KCND2: variants seen among roughly 807,000 people sequenced by gnomAD.
KCND2 encodes A-type voltage-gated potassium channel KCND2.
KCND2 carries 16 observed loss-of-function variants against 54.4 expected under a neutral mutation model. The ratio of observed to expected loss-of-function variants is 0.29; its 90% confidence interval spans 0.20 to 0.45. KCND2 has a LOEUF of 0.45. Among genes scored for constraint, KCND2 ranks in the 20% least tolerant of loss-of-function variants. KCND2 has a pLI of 1.00. For synonymous variants in KCND2, 317 were observed against 310.7 expected (o/e 1.02, Z -0.21); for missense variants, 486 against 824.2 (o/e 0.59, Z 5.02).
intron 1 of KCND2, among the ~76,000 whole-genome samples, chr7:120,551,979 C>G (rs1792110173): frequency 6.6e-6 from 1 of 152,136 alleles, no homozygotes; most frequent in African/African-American, 2.4e-5. Flanking sequence ...CTCTTCTACC[C>G]TCAGGCATCA....
intron 1 of KCND2, among the ~76,000 whole-genome samples, chr7:120,607,326 G>A (rs1037845757): frequency 6.6e-6 from 1 of 152,004 alleles, no homozygotes; most frequent in East Asian, 1.9e-4. Context: ...TTTTCAGAGG[G>A]CCTACTCTGC....
intron 1 of KCND2, among the ~76,000 whole-genome samples, chr7:120,530,529 G>C (rs1334214037): frequency 6.6e-6 from 1 of 151,934 alleles, no homozygotes; most frequent in Non-Finnish European, 1.5e-5. Flanking sequence ...TAACCACTCT[G>C]CTCTTTCATA....
intron 1 of KCND2, among the ~76,000 whole-genome samples, chr7:120,660,571 C>A (rs895175341): frequency 7.9e-5 from 12 of 152,166 alleles, no homozygotes; most frequent in African/African-American, 2.7e-4. Context: ...GAGGATAGGG[C>A]AGCCAGGATG....
chr7:120,627,022 C>G (rs538912776), intron 1 of KCND2, among the ~76,000 whole-genome samples: 31 of 152,246 alleles, frequency 2.0e-4, no homozygotes, highest in African/African-American at 7.0e-4. Context: ...GGTTAAGATC[C>G]AGTCCCATTT....
At chr7:120,681,711 G>A (rs1013877184) in intron 1 of KCND2, among the ~76,000 whole-genome samples, 1 of 151,700 alleles carries the variant, frequency 6.6e-6, no homozygotes, top group African/African-American at 2.4e-5. Flanking sequence ...CATTTTCTTT[G>A]TTGAATATCA....
At chr7:120,589,740 T>C (rs1449203101) in intron 1 of KCND2, among the ~76,000 whole-genome samples, 3 of 152,254 alleles carry the variant, frequency 2.0e-5, no homozygotes, top group African/African-American at 7.2e-5. Context: ...ATATGAATTC[T>C]ATGAATGAAT....
At chr7:120,524,355 T>A (rs1365084689) in intron 1 of KCND2, among the ~76,000 whole-genome samples, 1 of 152,094 alleles carries the variant, frequency 6.6e-6, no homozygotes, top group African/African-American at 2.4e-5. Flanking sequence ...AGGAGTAGAG[T>A]CTGATAGCAA....
chr7:120,572,015 T>C (rs12111645), intron 1 of KCND2, among the ~76,000 whole-genome samples: 17,362 of 152,220 alleles, frequency 0.11, 1,568 homozygotes, highest in African/African-American at 0.26. Flanking sequence ...AGCTTTATTT[T>C]CCTGGCTAAT....
At chr7:120,726,695 A>G (rs181156861) in intron 1 of KCND2, among the ~76,000 whole-genome samples, 119 of 152,328 alleles carry the variant, frequency 7.8e-4, no homozygotes, top group African/African-American at 2.7e-3. Flanking sequence ...CTTACACTCC[A>G]AATACTGATT....
At chr7:120,699,810 A>T (rs934974681) in intron 1 of KCND2, among the ~76,000 whole-genome samples, 12 of 152,224 alleles carry the variant, frequency 7.9e-5, no homozygotes, top group South Asian at 2.1e-4. Flanking sequence ...TTTGTTAATG[A>T]GTATAGAAAT....
intron 1 of KCND2, among the ~76,000 whole-genome samples, chr7:120,417,354 A>T (rs1191915033): frequency 6.6e-6 from 1 of 152,162 alleles, no homozygotes; most frequent in Non-Finnish European, 1.5e-5. Flanking sequence ...CCTGGTTGTT[A>T]GAATAAATCT....
At chr7:120,700,628 A>C (rs1196342987) in intron 1 of KCND2, among the ~76,000 whole-genome samples, 4 of 152,222 alleles carry the variant, frequency 2.6e-5, no homozygotes, top group Non-Finnish European at 5.9e-5. Context: ...AGAAAAATTT[A>C]TTAAAGTTAA....
intron 1 of KCND2, among the ~76,000 whole-genome samples, chr7:120,498,034 C>T (rs1802875365): frequency 2.0e-5 from 3 of 152,040 alleles, no homozygotes; most frequent in Non-Finnish European, 4.4e-5. Context: ...TTTGTAATAC[C>T]AGATTTATTT....
At chr7:120,417,211 TTAAA>T (rs1340250562) in intron 1 of KCND2, among the ~76,000 whole-genome samples, 1 of 152,178 alleles carries the variant, frequency 6.6e-6, no homozygotes, top group African/African-American at 2.4e-5. Flanking sequence ...TAAATACCTC[TTAAA>T]TAGATAGGAC....
At chr7:120,626,892 A>T (rs1360652925) in intron 1 of KCND2, among the ~76,000 whole-genome samples, 1 of 152,228 alleles carries the variant, frequency 6.6e-6, no homozygotes, top group African/African-American at 2.4e-5. Flanking sequence ...ACTCCAAAAA[A>T]GTCCCTAAAG....
At chr7:120,591,709 A>G (rs1380637359) in intron 1 of KCND2, among the ~76,000 whole-genome samples, 2 of 152,206 alleles carry the variant, frequency 1.3e-5, no homozygotes, top group African/African-American at 2.4e-5. Flanking sequence ...TATTAGTTAT[A>G]TAATATTGGG....
intron 1 of KCND2, among the ~76,000 whole-genome samples, chr7:120,412,156 A>G (rs1801459908): frequency 6.6e-6 from 1 of 152,086 alleles, no homozygotes. Flanking sequence ...ATAATAGCTT[A>G]ATTGGATTAT....
At chr7:120,340,974 G>T (rs1333534575) in intron 1 of KCND2, among the ~76,000 whole-genome samples, 5 of 152,196 alleles carry the variant, frequency 3.3e-5, no homozygotes, top group Non-Finnish European at 7.4e-5. Flanking sequence ...AGAAAAAGAA[G>T]TAATTCCAAT....
At chr7:120,342,723 A>T (rs973289585) in intron 1 of KCND2, among the ~76,000 whole-genome samples, 8 of 152,162 alleles carry the variant, frequency 5.3e-5, no homozygotes, top group Non-Finnish European at 8.8e-5. Flanking sequence ...TAAAATGATT[A>T]TTTAGAGTAT....
Sources: allele counts gnomAD v4.1 joint callset (sites outside exome capture counted in the v4.1 genomes callset), GRCh38; gene constraint gnomAD v4.1.1; transcripts MANE v1.5; gene names NCBI Gene and HGNC (gene_info 2026-07-23, HGNC 2026-07-21).